The following DPP10 variants were observed in gnomAD, a reference collection of about 807,000 sequenced individuals.
DPP10 encodes the protein inactive dipeptidyl peptidase 10.
A neutral mutation model predicts 120.9 loss-of-function variants in DPP10; 33 were observed. The observed-to-expected ratio is 0.27, with a 90% CI of 0.21 to 0.37. The LOEUF (loss-of-function observed/expected upper bound fraction) is 0.37, where lower values mean the gene tolerates loss of function less well. DPP10 is among the 10% of genes least tolerant of loss of function. DPP10 has a pLI of 1.00. For synonymous variants in DPP10, 337 were observed against 326.1 expected (o/e 1.03, Z -0.36); for missense variants, 816 against 942.8 (o/e 0.87, Z 1.76).
At chr2:115,614,405 G>A (rs960180) in intron 5 of DPP10, among the ~76,000 whole-genome samples, 150,363 of 152,234 alleles carry the variant, frequency 0.99, 74,289 homozygotes, top group East Asian at 1. Flanking sequence ...GAGCACCACA[G>A]TTTTATAGGG....
intron 1 of DPP10, among the ~76,000 whole-genome samples, chr2:114,645,920 T>C (rs567124502): frequency 4.5e-4 from 69 of 152,140 alleles, no homozygotes; most frequent in Middle Eastern, 3.2e-3. Context: ...CTCAGCACTT[T>C]GGGAGGCAAG....
chr2:115,248,503 C>A (rs1166521180), intron 1 of DPP10, among the ~76,000 whole-genome samples: 1 of 151,998 alleles, frequency 6.6e-6, no homozygotes, highest in Non-Finnish European at 1.5e-5. Context: ...TCAGATTAGG[C>A]TACCAATTGG....
At chr2:115,263,415 C>CT (rs1207413589) in intron 1 of DPP10, among the ~76,000 whole-genome samples, 1 of 152,164 alleles carries the variant, frequency 6.6e-6, no homozygotes, top group African/African-American at 2.4e-5. Flanking sequence ...AAAATTCTGA[C>CT]TTTGGCCCCT....
intron 19 of DPP10, among the ~76,000 whole-genome samples, chr2:115,810,849 G>A (rs79113772): frequency 0.018 from 2,771 of 152,190 alleles, 87 homozygotes; most frequent in African/African-American, 0.061. Context: ...GGCAAATGAG[G>A]GAGACACTCA....
At chr2:114,967,406 C>G (rs1009423683) in intron 1 of DPP10, among the ~76,000 whole-genome samples, 1 of 152,028 alleles carries the variant, frequency 6.6e-6, no homozygotes, top group East Asian at 1.9e-4. Flanking sequence ...GCAGAGAGCC[C>G]GCAGAGGCTT....
At position 114,477,573 on chromosome 2, in the gene DPP10, G is replaced by T. The variant is rs146115886; in HGVS notation, c.60+34735G>T. Among the ~76,000 whole-genome samples, 539 of 150,902 alleles carry T rather than the reference G, an allele frequency of 3.6e-3. 1 individual carries two copies. The highest frequency in any genetic ancestry group is 6.3e-3 in the Non-Finnish European group (430 of 67,816). On this transcript the variant is annotated intron_variant, in intron 1 of 25. Coordinates refer to ENST00000410059, the MANE Select transcript of DPP10 (RefSeq NM_020868.6). ...AGGCCTTGGCCTTGGATCATTTGAGGTCAGGAGTTCAAGACCTGCCTGGCC... is the reference window on the plus strand; with the variant it reads ...AGGCCTTGGCCTTGGATCATTTGAGTTCAGGAGTTCAAGACCTGCCTGGCC...
At chr2:115,699,210 T>C (rs1244285355) in intron 7 of DPP10, among the ~76,000 whole-genome samples, 19 of 152,078 alleles carry the variant, frequency 1.2e-4, no homozygotes, top group Admixed American at 1.2e-3. Flanking sequence ...CAAAACTTCG[T>C]AGTAGAGTCA....
At chr2:115,283,481 G>C (rs2060242000) in intron 1 of DPP10, among the ~76,000 whole-genome samples, 1 of 151,920 alleles carries the variant, frequency 6.6e-6, no homozygotes, top group Non-Finnish European at 1.5e-5. Context: ...GGTTTTTCTT[G>C]AATGCTCAAA....
intron 1 of DPP10, chr2:114,462,002 G>A (rs1678956398): frequency 2.0e-6 from 2 of 985,240 alleles, no homozygotes. Flanking sequence ...GAAAGGAAGT[G>A]CTACAATATT....
intron 1 of DPP10, among the ~76,000 whole-genome samples, chr2:114,993,580 G>GTATA (rs59593945): frequency 0.01 from 980 of 97,304 alleles, 19 homozygotes; most frequent in Middle Eastern, 0.039. Context: ...GTGTGTGTGT[G>GTATA]TATATATATA....
At chr2:114,692,464 T>C (rs151015127) in intron 1 of DPP10, among the ~76,000 whole-genome samples, 4,989 of 151,972 alleles carry the variant, frequency 0.033, 124 homozygotes, top group Middle Eastern at 0.068. Flanking sequence ...GTTATGATTT[T>C]AGTTCTTTTG....
At chr2:115,823,188 TTTATC>T (rs1290617059) in intron 21 of DPP10, among the ~76,000 whole-genome samples, 1 of 152,108 alleles carries the variant, frequency 6.6e-6, no homozygotes, top group Admixed American at 6.6e-5. Context: ...TTCTTGGAAT[TTTATC>T]TATGGGGATT....
intron 1 of DPP10, among the ~76,000 whole-genome samples, chr2:115,238,082 A>G (rs2105540765): frequency 6.6e-6 from 1 of 152,310 alleles, no homozygotes; most frequent in Non-Finnish European, 1.5e-5. Flanking sequence ...GGAATTTTAG[A>G]GCCAGAGAGA....
intron 5 of DPP10, among the ~76,000 whole-genome samples, chr2:115,575,462 T>C (rs999169825): frequency 2.0e-5 from 3 of 152,196 alleles, no homozygotes; most frequent in Admixed American, 2.0e-4. Flanking sequence ...TTTACATTTA[T>C]TGTCTTTGTT....
At chr2:114,788,657 A>G (rs1051116202) in intron 1 of DPP10, among the ~76,000 whole-genome samples, 1 of 152,146 alleles carries the variant, frequency 6.6e-6, no homozygotes, top group Admixed American at 6.5e-5. Context: ...TAATGCATAT[A>G]TTTCCAAATT....
At chr2:115,253,133 G>A (rs1207949249) in intron 1 of DPP10, among the ~76,000 whole-genome samples, 1 of 152,106 alleles carries the variant, frequency 6.6e-6, no homozygotes, top group Non-Finnish European at 1.5e-5. Context: ...TGAAGCAGGA[G>A]CAGGCATATC....
chr2:115,697,425 G>T (rs2091651999), intron 7 of DPP10, among the ~76,000 whole-genome samples: 1 of 151,836 alleles, frequency 6.6e-6, no homozygotes, highest in South Asian at 2.1e-4. Context: ...ATAAAATAGG[G>T]GTTGCTATAC....
At chr2:115,288,216 A>G (rs1255994968) in intron 1 of DPP10, among the ~76,000 whole-genome samples, 1 of 151,774 alleles carries the variant, frequency 6.6e-6, no homozygotes, top group Non-Finnish European at 1.5e-5. Context: ...TTTCATAATG[A>G]CCATTCTGGC....
intron 1 of DPP10, among the ~76,000 whole-genome samples, chr2:114,655,961 A>G (rs986784600): frequency 2.6e-5 from 4 of 152,164 alleles, no homozygotes; most frequent in Non-Finnish European, 4.4e-5. Flanking sequence ...TTCCAATCAA[A>G]TTTAGCAGTC....
Sources: gnomAD v4.1 joint callset for allele counts (sites outside exome capture counted in the v4.1 genomes callset) on GRCh38, gnomAD v4.1.1 for gene constraint, MANE v1.5 for transcripts, NCBI Gene and HGNC (gene_info 2026-07-23, HGNC 2026-07-21) for gene names.